MYO16: variants seen among roughly 807,000 people sequenced by gnomAD.
The protein encoded by MYO16 is unconventional myosin-XVI.
In MYO16, 94 loss-of-function variants were observed where a neutral mutation model predicts 205.3. The ratio of observed to expected loss-of-function variants is 0.46; its 90% CI spans 0.39 to 0.54. The LOEUF (loss-of-function observed/expected upper bound fraction) is 0.54. MYO16 is among the 20% of genes least tolerant of loss of function. The pLI, the probability that MYO16 is intolerant of heterozygous loss-of-function variation, is 0.00. For synonymous variants in MYO16, 988 were observed against 954.0 expected (o/e 1.04, Z -0.66); for missense variants, 2,315 against 2,387.5 (o/e 0.97, Z 0.63).
chr13:108,769,894 G>T (rs1294420256), intron 4 of MYO16, among the ~76,000 whole-genome samples: 1 of 152,052 alleles, frequency 6.6e-6, no homozygotes, highest in Non-Finnish European at 1.5e-5. Context: ...TATATGATTT[G>T]GTATAATAGT....
intron 12 of MYO16, among the ~76,000 whole-genome samples, chr13:108,869,731 TAAAAA>T (rs68025820): frequency 9.0e-5 from 6 of 67,028 alleles, no homozygotes; most frequent in African/African-American, 2.1e-4. Flanking sequence ...ACTCCGTTTC[TAAAAA>T]AAAAAAAAAA....
At chr13:108,694,826 G>A (rs1404570299) in intron 2 of MYO16, among the ~76,000 whole-genome samples, 1 of 152,080 alleles carries the variant, frequency 6.6e-6, no homozygotes, top group Non-Finnish European at 1.5e-5. Flanking sequence ...AAGAGTATTA[G>A]AGTTGGCCAG....
At chr13:109,075,939 A>G (rs374911003) in intron 27 of MYO16, among the ~76,000 whole-genome samples, 62 of 152,306 alleles carry the variant, frequency 4.1e-4, no homozygotes, top group African/African-American at 1.4e-3. Context: ...CCACTTGGGT[A>G]TGAAGATGTC....
Position 109,055,051 on chromosome 13 carries a change from A to G in MYO16, c.3054A>G (p.Leu1018=). The G allele has an allele frequency of 6.4e-7, 1 of 1,553,228 alleles. No individual in the cohort carries two copies. The highest frequency in any genetic ancestry group is 8.8e-7 in the Non-Finnish European group (1 of 1,142,424). The change falls in exon 26 of 35, where the codon TTA becomes TTG. Residue 1018 remains leucine (L), a synonymous_variant. Transcript: ENST00000457511. This position sits in a 1 kb window ranked among gnomAD's most constrained non-coding sequence, Gnocchi z 5.0. ...TGTCTTTCTTTTTATTACAGTTATT[A>G]AAAAAGAAAGGAACTTCTACATTTC... ...NKNYLELSKL[L]KKKGTSTFLQ...
At chr13:109,204,703 G>A (rs1266316074) in intron 34 of MYO16, among the ~76,000 whole-genome samples, 1 of 152,144 alleles carries the variant, frequency 6.6e-6, no homozygotes, top group East Asian at 1.9e-4. Flanking sequence ...CGAACAAATG[G>A]AAACACATCC....
chr13:109,152,311 G>A (rs1877718084), intron 32 of MYO16, among the ~76,000 whole-genome samples: 1 of 152,238 alleles, frequency 6.6e-6, no homozygotes, highest in East Asian at 1.9e-4. Context: ...CACTCTTGGT[G>A]TTGTTCTAGT....
intron 2 of MYO16, among the ~76,000 whole-genome samples, chr13:108,680,845 A>C (rs892874318): frequency 1.3e-5 from 2 of 152,082 alleles, no homozygotes; most frequent in African/African-American, 4.8e-5. Context: ...ATGCATGAAC[A>C]ATGGTGTTGT....
chr13:108,580,289 C>T, the MYO16 span, among the ~76,000 whole-genome samples: 1 of 152,124 alleles, frequency 6.6e-6, no homozygotes, highest in African/African-American at 2.4e-5. Flanking sequence ...CTTGAGATTT[C>T]TATGCTTAAA....
At chr13:109,143,271 TA>T (rs1229821381) in intron 32 of MYO16, among the ~76,000 whole-genome samples, 2 of 152,172 alleles carry the variant, frequency 1.3e-5, no homozygotes, top group Non-Finnish European at 2.9e-5. Context: ...AAGTGAAAAG[TA>T]GGTCAAGGCT....
intron 20 of MYO16, among the ~76,000 whole-genome samples, chr13:108,974,637 T>C (rs989183726): frequency 6.6e-6 from 1 of 152,218 alleles, no homozygotes; most frequent in Non-Finnish European, 1.5e-5. Context: ...ATTGAAGAAT[T>C]CTATTTTTGT....
chr13:108,913,816 G>A (rs548575918), intron 16 of MYO16, among the ~76,000 whole-genome samples: 1 of 152,264 alleles, frequency 6.6e-6, no homozygotes, highest in South Asian at 2.1e-4. Flanking sequence ...TGTAACAATA[G>A]CTGAGTCTTG....
chr13:109,040,615 A>G (rs1487255526), intron 23 of MYO16, among the ~76,000 whole-genome samples: 3 of 152,130 alleles, frequency 2.0e-5, no homozygotes, highest in Admixed American at 6.6e-5. Flanking sequence ...AAAAAAATAC[A>G]TGATTATATC....
chr13:108,984,625 C>T (rs1181386613), intron 20 of MYO16, among the ~76,000 whole-genome samples: 1 of 152,194 alleles, frequency 6.6e-6, no homozygotes, highest in African/African-American at 2.4e-5. Context: ...TCCTGAATTG[C>T]TGGCCTCTAA....
intron 4 of MYO16, among the ~76,000 whole-genome samples, chr13:108,741,128 T>C (rs549148575): frequency 1.3e-5 from 2 of 152,148 alleles, no homozygotes; most frequent in South Asian, 4.1e-4. Flanking sequence ...CTCGGTGGGC[T>C]TCACCCACTG....
chr13:108,942,886 G>A (rs1882787488), intron 16 of MYO16, among the ~76,000 whole-genome samples: 1 of 152,140 alleles, frequency 6.6e-6, no homozygotes, highest in Admixed American at 6.5e-5. Context: ...CTTCCCCCAA[G>A]CAGCTTGGAG....
At chr13:108,564,304 G>C in the MYO16 span, among the ~76,000 whole-genome samples, 1 of 151,704 alleles carries the variant, frequency 6.6e-6, no homozygotes, top group Non-Finnish European at 1.5e-5. Context: ...CCAAGTAGCT[G>C]GGATTAAAGG....
chr13:108,752,734 G>A (rs897775646), intron 4 of MYO16, among the ~76,000 whole-genome samples: 9 of 147,860 alleles, frequency 6.1e-5, no homozygotes, highest in African/African-American at 2.0e-4. Context: ...CTCTGCCGCC[G>A]GGGTTCAAGT....
chr13:109,148,536 A>G (rs9514991), intron 32 of MYO16, among the ~76,000 whole-genome samples: 30,458 of 152,250 alleles, frequency 0.2, 3,801 homozygotes, highest in Middle Eastern at 0.29. Context: ...CAGAAGGTGC[A>G]TCCACTTTCA....
At chr13:109,011,498 C>CTTTTTTT (rs34575828) in intron 22 of MYO16, among the ~76,000 whole-genome samples, 15 of 129,918 alleles carry the variant, frequency 1.2e-4, no homozygotes, top group South Asian at 2.5e-4. Flanking sequence ...TTCTTCCTTT[C>CTTTTTTT]TTTTTTTTTT....
Sources: gnomAD v4.1 joint callset for allele counts (sites outside exome capture counted in the v4.1 genomes callset) on GRCh38, gnomAD v4.1.1 for gene constraint, Gnocchi (gnomAD v3.1) non-coding constraint, MANE v1.5 for transcripts, NCBI Gene and HGNC (gene_info 2026-07-23, HGNC 2026-07-21) for gene names.